The following SNRPG variants were observed in gnomAD, a reference collection of about 807,000 sequenced individuals.
The protein encoded by SNRPG is small nuclear ribonucleoprotein G.
A neutral mutation model predicts 13.9 loss-of-function variants in SNRPG; 3 were observed. The observed-to-expected ratio is 0.22, with a 90% CI of 0.10 to 0.56. The LOEUF is 0.56. Among genes scored for constraint, SNRPG ranks in the 20% least tolerant of loss-of-function variants. SNRPG has a pLI of 0.93. For synonymous variants in SNRPG, 29 were observed against 29.3 expected (o/e 0.99, Z 0.03); for missense variants, 34 against 96.1 (o/e 0.35, Z 2.70).
rs1176072424 is a variant in SNRPG, at chr2:70,290,032, A to C, written c.33-660T>G. ...TTTTTTTTTTTTTTTAAGAGATGGG[A>C]GTCTCATTATGTTGCCCAGGCTGGT... On this transcript the variant is annotated intron_variant, in intron 1 of 3. Transcript: ENST00000272348. 1.4e-4 allele frequency among the ~76,000 whole-genome samples: 20 copies of C among 138,802 alleles called. No individual in the cohort carries two copies. In the South Asian group the frequency reaches 3.5e-3, roughly 25 times the overall value. 91.1% of individuals were successfully genotyped at this position (138,802 alleles called of 152,430 possible).
At position 70,289,387 on chromosome 2, in the gene SNRPG, G is replaced by A. The variant is rs374089676; in HGVS notation, c.33-15C>T. ...TGTCCATAAATCTGAAAAAGGAAAA[G>A]GGTAAAGATTATATAACCAATTAAA... On this transcript the variant is annotated splice_polypyrimidine_tract_variant and intron_variant, in intron 1 of 3. Coordinates refer to ENST00000272348, the MANE Select transcript of SNRPG (RefSeq NM_003096.4). The A allele has an allele frequency of 2.2e-6, 3 of 1,387,584 alleles. No individual in the cohort carries two copies. Among genetic ancestry groups the A allele is most frequent in the Non-Finnish European group, 3.0e-6 (3 of 999,632 alleles). The allele number at this position is 1,387,584 out of a possible 1,614,324, so 86.0% of individuals were successfully genotyped here.
At chr2:70,281,950 C>G (rs1696797842) in intron 3 of SNRPG, among the ~76,000 whole-genome samples, 1 of 152,082 alleles carries the variant, frequency 6.6e-6, no homozygotes, top group Non-Finnish European at 1.5e-5. Flanking sequence ...GAGACAGTCT[C>G]ACTCTGTTGC....
intron 1 of SNRPG, among the ~76,000 whole-genome samples, chr2:70,291,847 C>T (rs1697105822): frequency 6.6e-6 from 1 of 151,582 alleles, no homozygotes; most frequent in South Asian, 2.1e-4. Flanking sequence ...AAAAAAATCA[C>T]CATTTCACCA....
intron 1 of SNRPG, among the ~76,000 whole-genome samples, chr2:70,292,230 G>A (rs1418489320): frequency 2.0e-5 from 3 of 152,186 alleles, no homozygotes; most frequent in African/African-American, 7.2e-5. Context: ...ACAGGCGTGA[G>A]CCACCGCGTT....
chr2:70,285,206 A>G (rs973532201), intron 3 of SNRPG, among the ~76,000 whole-genome samples: 1 of 152,218 alleles, frequency 6.6e-6, no homozygotes, highest in Admixed American at 6.5e-5. Context: ...TAAGAAAAAG[A>G]ATCATATGTT....
Position 70,289,348 on chromosome 2 carries a change from A to T in SNRPG, c.55+2T>A. ...AAAACCCCAAAACAACAACAAACTT[A>T]CATGATAACTTCTTGTCCATAAATC... On this transcript the variant is annotated splice_donor_variant, in intron 2 of 3. Transcript: ENST00000272348. LOFTEE classifies it high-confidence loss of function. 7.0e-7 allele frequency: 1 copy of T among 1,435,396 alleles called. No individual in the cohort carries two copies. Among genetic ancestry groups the T allele is most frequent in the Non-Finnish European group, 9.7e-7 (1 of 1,035,886 alleles). The allele number at this position is 1,435,396 out of a possible 1,614,324, so 88.9% of individuals were successfully genotyped here.
At chr2:70,293,092 T>C in intron 1 of SNRPG, 1 of 702,322 alleles carries the variant, frequency 1.4e-6, no homozygotes, top group East Asian at 2.7e-5. Flanking sequence ...ACATTCAAGC[T>C]TAACGTAAAA....
intron 3 of SNRPG, among the ~76,000 whole-genome samples, chr2:70,285,779 A>G (rs569411030): frequency 1.3e-5 from 2 of 152,188 alleles, no homozygotes; most frequent in Non-Finnish European, 2.9e-5. Context: ...TGCTTCAATG[A>G]TGCTACAGAA....
intron 1 of SNRPG, among the ~76,000 whole-genome samples, chr2:70,290,801 C>A: frequency 1.0e-5 from 1 of 98,880 alleles, no homozygotes; most frequent in Non-Finnish European, 1.8e-5. Flanking sequence ...GCCTGATCAA[C>A]ATGGAGAAAA....
chr2:70,287,890 CCT>C, intron 3 of SNRPG, 176 bp downstream of exon 3: 1 of 618,096 alleles, frequency 1.6e-6, no homozygotes. Context: ...TGAGATCTTA[CCT>C]ACAGGTAACC....
Position 70,293,722 on chromosome 2 carries a change from C to CAGA in SNRPG, c.-74_-73insTCT. 6.9e-7 allele frequency: 1 copy of CAGA among 1,445,938 alleles called. No individual in the cohort carries two copies. The highest frequency in any genetic ancestry group is 9.7e-7 in the Non-Finnish European group (1 of 1,026,840). 89.6% of individuals were successfully genotyped at this position (1,445,938 alleles called of 1,614,324 possible). A position where few individuals can be genotyped will look rare whatever the true frequency, so the allele number is the denominator to read the frequency against. ...CTTTCCTCACGCTCCCGCTGTAGGCCCGGCGTCTTGCGTCTGGCGTCATCG... is the reference window on the plus strand; with the variant it reads ...CTTTCCTCACGCTCCCGCTGTAGGCCAGACGGCGTCTTGCGTCTGGCGTCATCG... On this transcript the variant is annotated 5_prime_UTR_variant, in exon 1 of 4. Coordinates refer to ENST00000272348, the MANE Select transcript of SNRPG (RefSeq NM_003096.4).
At position 70,293,696 on chromosome 2, in the gene SNRPG, G is replaced by T; in HGVS notation, c.-47C>A. On this transcript the variant is annotated 5_prime_UTR_variant, in exon 1 of 4. Coordinates refer to ENST00000272348, the MANE Select transcript of SNRPG (RefSeq NM_003096.4). ...CAGATGCCTTGGAACGCAACGCACG[G>T]CTTTCCTCACGCTCCCGCTGTAGGC... 1 of 1,591,088 alleles carries T rather than the reference G, an allele frequency of 6.3e-7. No individual in the cohort carries two copies. The highest frequency in any genetic ancestry group is 8.6e-7 in the Non-Finnish European group (1 of 1,159,020).
rs993781160 is a variant in SNRPG at position 70,281,404 on chromosome 2, T to A, written c.*230A>T. Reference sequence around the variant, plus strand: ...ATTTAATAAGATTCTTTCACTTTAATGCATAAAACCCTTTGAAATCAATGT... The same window carrying A: ...ATTTAATAAGATTCTTTCACTTTAAAGCATAAAACCCTTTGAAATCAATGT... On this transcript the variant is annotated 3_prime_UTR_variant, in exon 4 of 4. Coordinates refer to ENST00000272348, the MANE Select transcript of SNRPG (RefSeq NM_003096.4). The A allele has an allele frequency of 2.8e-6, 1 of 351,884 alleles. No individual in the cohort carries two copies. 21.8% of individuals were successfully genotyped at this position (351,884 alleles called of 1,614,324 possible). A position where few individuals can be genotyped will look rare whatever the true frequency, so the allele number is the denominator to read the frequency against.
intron 3 of SNRPG, among the ~76,000 whole-genome samples, chr2:70,283,408 C>G (rs1696863168): frequency 6.6e-6 from 1 of 152,092 alleles, no homozygotes; most frequent in African/African-American, 2.4e-5. Context: ...GAAATGGAGG[C>G]ATTCCAAAAA....
chr2:70,291,386 C>T (rs903165222), intron 1 of SNRPG: 1 of 152,174 alleles, frequency 6.6e-6, no homozygotes, highest in Non-Finnish European at 1.5e-5. Context: ...GCAAGACTAC[C>T]GTGGCAGCAA....
chr2:70,285,406 T>C (rs991239891), intron 3 of SNRPG, among the ~76,000 whole-genome samples: 1 of 152,058 alleles, frequency 6.6e-6, no homozygotes, highest in Non-Finnish European at 1.5e-5. Flanking sequence ...ACCCTGTCTC[T>C]ACTAAAAATA....
intron 1 of SNRPG, 46 bp from the exon 2 acceptor site, chr2:70,289,418 T>G (rs1282792078): frequency 1.8e-6 from 2 of 1,094,208 alleles, no homozygotes; most frequent in East Asian, 5.2e-5. Context: ...TTAAAAAAAT[T>G]TAAGCATAAA....
intron 1 of SNRPG, chr2:70,291,328 T>C (rs1424920488): frequency 1.3e-5 from 2 of 152,230 alleles, no homozygotes; most frequent in Non-Finnish European, 2.9e-5. Flanking sequence ...CTGGGTTAAG[T>C]ACAGACTCGA....
intron 1 of SNRPG, among the ~76,000 whole-genome samples, chr2:70,290,101 C>CA (rs1344675698): frequency 6.6e-6 from 1 of 151,300 alleles, no homozygotes; most frequent in African/African-American, 2.4e-5. Context: ...CTCAGCCTCC[C>CA]AAAGTGCCGC....
Sources: allele counts gnomAD v4.1 joint callset (sites outside exome capture counted in the v4.1 genomes callset), GRCh38; gene constraint gnomAD v4.1.1; transcripts MANE v1.5; gene names NCBI Gene and HGNC (gene_info 2026-07-23, HGNC 2026-07-21).